NALF1: variants seen among roughly 807,000 people sequenced by gnomAD.
NALF1 encodes family with sequence similarity 155 member A.
Under a neutral mutation model 48.4 loss-of-function variants are expected in NALF1, and 3 were observed. That is an observed-to-expected ratio of 0.06 (90% confidence interval 0.03 to 0.16). The LOEUF (loss-of-function observed/expected upper bound fraction) is 0.16. NALF1 is among the 10% of genes least tolerant of loss of function. The pLI, the probability that NALF1 is intolerant of heterozygous loss-of-function variation, is 1.00. For synonymous variants in NALF1, 262 were observed against 245.7 expected (o/e 1.07, Z -0.62); for missense variants, 526 against 571.5 (o/e 0.92, Z 0.81).
intron 1 of NALF1, among the ~76,000 whole-genome samples, chr13:107,425,333 A>G (rs960544766): frequency 1.3e-5 from 2 of 152,194 alleles, no homozygotes; most frequent in African/African-American, 2.4e-5. Flanking sequence ...CTAAAATACT[A>G]TAAACGTGTT....
intron 1 of NALF1, among the ~76,000 whole-genome samples, chr13:107,540,857 A>G (rs989023309): frequency 1.3e-4 from 20 of 152,296 alleles, no homozygotes; most frequent in African/African-American, 4.3e-4. Context: ...ACTTGAATAC[A>G]TAAACTTATT....
chr13:107,376,840 G>A (rs114625722), intron 1 of NALF1, among the ~76,000 whole-genome samples: 1,575 of 152,246 alleles, frequency 0.01, 22 homozygotes, highest in African/African-American at 0.036. Context: ...GAATTGCACA[G>A]CCCAGAAGAC....
intron 1 of NALF1, among the ~76,000 whole-genome samples, chr13:107,643,398 T>C (rs1157687834): frequency 6.6e-6 from 1 of 152,104 alleles, no homozygotes; most frequent in Non-Finnish European, 1.5e-5. Flanking sequence ...ACTCTTCCCA[T>C]TCAAAACTGG....
At chr13:107,710,880 T>G (rs1052952501) in intron 1 of NALF1, among the ~76,000 whole-genome samples, 12 of 150,372 alleles carry the variant, frequency 8.0e-5, no homozygotes, top group Admixed American at 8.0e-4. Context: ...TATATACACA[T>G]ATATACACAC....
chr13:107,328,673 C>T (rs774825719), intron 1 of NALF1, among the ~76,000 whole-genome samples: 13 of 152,050 alleles, frequency 8.5e-5, no homozygotes, highest in Non-Finnish European at 1.2e-4. Context: ...TTATCCATGT[C>T]CTGGAAAAAC....
At chr13:107,570,686 A>G (rs912827113) in intron 1 of NALF1, among the ~76,000 whole-genome samples, 2 of 151,754 alleles carry the variant, frequency 1.3e-5, no homozygotes, top group Admixed American at 1.3e-4. Context: ...TATTTTTAAA[A>G]GCAAAGAAAG....
intron 1 of NALF1, among the ~76,000 whole-genome samples, chr13:107,667,923 G>A (rs956671888): frequency 5.9e-5 from 9 of 151,970 alleles, no homozygotes; most frequent in African/African-American, 1.9e-4. Context: ...AAAAGTACAC[G>A]AACCACTTTC....
chr13:107,751,032 C>T (rs1380215153), intron 1 of NALF1, among the ~76,000 whole-genome samples: 1 of 152,184 alleles, frequency 6.6e-6, no homozygotes, highest in African/African-American at 2.4e-5. Flanking sequence ...TGATTAATCT[C>T]TTTCAACTAC....
chr13:107,865,970 G>T lies in NALF1; in HGVS notation c.627C>A (p.Ser209Arg). The change falls in exon 1 of 3, where the codon AGC becomes AGA. Residue 209 changes from serine to arginine, a missense_variant. Around this residue, in one of 2 missense-constraint regions of NALF1, gnomAD observed 373 missense variants for 355.5 expected, o/e 1.05. Transcript: ENST00000375915. Reference sequence around the variant, plus strand: ...AGTTCCAGAGCGGAGTGGGATGCTTGCTCCTCACCTCCTGCCCGTCCCCCC... The same window carrying T: ...AGTTCCAGAGCGGAGTGGGATGCTTTCTCCTCACCTCCTGCCCGTCCCCCC... ...AAGGDGQEVR[S>R]KHPTPLWNLS... 1 of 1,613,126 alleles carries T rather than the reference G, an allele frequency of 6.2e-7. No individual in the cohort carries two copies. Among genetic ancestry groups the T allele is most frequent in the East Asian group, 2.2e-5 (1 of 44,864 alleles).
At chr13:107,864,628 CA>C (rs1353861066) in intron 1 of NALF1, among the ~76,000 whole-genome samples, 1 of 152,166 alleles carries the variant, frequency 6.6e-6, no homozygotes, top group African/African-American at 2.4e-5. Context: ...ACCCTTGGAA[CA>C]AAACATTAAG....
intron 1 of NALF1, among the ~76,000 whole-genome samples, chr13:107,399,755 T>C (rs1017964032): frequency 6.6e-6 from 1 of 152,156 alleles, no homozygotes; most frequent in African/African-American, 2.4e-5. Flanking sequence ...CCAGCATGGA[T>C]TTCTGTTAAA....
intron 1 of NALF1, among the ~76,000 whole-genome samples, chr13:107,213,011 T>C (rs1398543666): frequency 1.3e-5 from 2 of 151,904 alleles, no homozygotes; most frequent in East Asian, 3.9e-4. Flanking sequence ...TTAAAATGGG[T>C]TCTGAATAGG....
chr13:107,830,071 C>A (rs1020862337), intron 1 of NALF1, among the ~76,000 whole-genome samples: 6 of 152,164 alleles, frequency 3.9e-5, no homozygotes, highest in Non-Finnish European at 7.4e-5. Flanking sequence ...CCGGAACCCT[C>A]ACCAAATAAG....
intron 1 of NALF1, among the ~76,000 whole-genome samples, chr13:107,307,688 T>C (rs896431399): frequency 1.4e-5 from 2 of 143,454 alleles, no homozygotes; most frequent in Non-Finnish European, 3.1e-5. Flanking sequence ...TTGAAATGGA[T>C]AACAGAAAAT....
chr13:107,173,289 C>T (rs1257402846), intron 2 of NALF1, among the ~76,000 whole-genome samples: 1 of 152,170 alleles, frequency 6.6e-6, no homozygotes, highest in African/African-American at 2.4e-5. Context: ...TGCTTCCCCC[C>T]AAACCCTCAC....
chr13:107,316,765 T>C (rs1312718006), intron 1 of NALF1, among the ~76,000 whole-genome samples: 1 of 151,922 alleles, frequency 6.6e-6, no homozygotes, highest in Non-Finnish European at 1.5e-5. Context: ...TGTAAATTTC[T>C]TTGAGTTCTT....
chr13:107,657,296 G>A (rs138496411), intron 1 of NALF1, among the ~76,000 whole-genome samples: 343 of 152,138 alleles, frequency 2.3e-3, no homozygotes, highest in Non-Finnish European at 3.8e-3. Flanking sequence ...AATTATACAG[G>A]TACTACAAAT....
At chr13:107,677,442 C>G (rs1464676939) in intron 1 of NALF1, among the ~76,000 whole-genome samples, 1 of 152,138 alleles carries the variant, frequency 6.6e-6, no homozygotes, top group Non-Finnish European at 1.5e-5. Context: ...TTTTGTAACT[C>G]TCCTCCTAAA....
At chr13:107,703,387 G>C (rs1881872873) in intron 1 of NALF1, among the ~76,000 whole-genome samples, 1 of 142,918 alleles carries the variant, frequency 7.0e-6, no homozygotes, top group African/African-American at 2.7e-5. Flanking sequence ...TTTTTGGACA[G>C]AGTCTCGCAC....
Sources: allele counts gnomAD v4.1 joint callset (sites outside exome capture counted in the v4.1 genomes callset), GRCh38; gene constraint gnomAD v4.1.1; regional missense constraint gnomAD v4.1.1; transcripts MANE v1.5; gene names NCBI Gene and HGNC (gene_info 2026-07-23, HGNC 2026-07-21).